TDRD10: variants seen among roughly 807,000 people sequenced by gnomAD.
The protein encoded by TDRD10 is tudor domain-containing protein 10.
Under a neutral mutation model 48.0 loss-of-function variants are expected in TDRD10, and 40 were observed. The observed-to-expected ratio is 0.83, with a 90% CI of 0.65 to 1.09. TDRD10 has a LOEUF of 1.09. Among genes scored for constraint, TDRD10 ranks in the 50% least tolerant of loss-of-function variants. TDRD10 has a pLI of 0.00. For synonymous variants in TDRD10, 162 were observed against 170.4 expected, an observed-to-expected ratio of 0.95 and a Z score of 0.38; for missense variants, 378 against 434.7, an observed-to-expected ratio of 0.87 and a Z score of 1.16.
intron 6 of TDRD10, among the ~76,000 whole-genome samples, chr1:154,529,126 C>T (rs1254116110): frequency 1.3e-5 from 2 of 152,110 alleles, no homozygotes; most frequent in African/African-American, 4.8e-5. Context: ...GTTACCCAGG[C>T]TGGAGTGCAG....
intron 4 of TDRD10, among the ~76,000 whole-genome samples, chr1:154,511,919 C>T (rs537094634): frequency 6.6e-6 from 1 of 151,888 alleles, no homozygotes; most frequent in South Asian, 2.1e-4. Context: ...ATCCTAGCTA[C>T]TCAGGAGGCT....
rs751346307 is a variant in TDRD10, at chr1:154,543,953, C to A, written c.504-10C>A. 3.5e-5 allele frequency: 57 copies of A among 1,613,388 alleles called. No homozygotes were observed. In the Admixed American group the frequency reaches 9.4e-4, roughly 26 times the overall value. On this transcript the variant is annotated splice_polypyrimidine_tract_variant and intron_variant, in intron 8 of 12. Coordinates refer to ENST00000368482, the MANE Select transcript of TDRD10 (RefSeq NM_182499.4). ...CGTTCCTTTCCTTGCTCCCCTTGCT[C>A]TTCCCGCAGAGGGTCCTTCCTGGTG... is the stretch of plus-strand genomic sequence containing the variant.
chr1:154,526,856 T>C (rs1389331583), intron 6 of TDRD10, among the ~76,000 whole-genome samples: 2 of 151,996 alleles, frequency 1.3e-5, no homozygotes, highest in Admixed American at 6.6e-5. Flanking sequence ...CCCAAAGTGC[T>C]GGGATTACAG....
intron 6 of TDRD10, among the ~76,000 whole-genome samples, chr1:154,537,679 ACTT>A (rs1694992646): frequency 6.6e-6 from 1 of 152,024 alleles, no homozygotes; most frequent in South Asian, 2.1e-4. Flanking sequence ...GTATGCAAGA[ACTT>A]CTCCCTGGTG....
At chr1:154,544,255 C>T in intron 9 of TDRD10, 117 bp from the exon 10 acceptor site, 2 of 1,541,538 alleles carry the variant, frequency 1.3e-6, no homozygotes. Context: ...CTCTCTCCCA[C>T]CTCATACCTG....
chr1:154,523,998 A>G (rs1343756110), intron 6 of TDRD10, among the ~76,000 whole-genome samples: 1 of 151,906 alleles, frequency 6.6e-6, no homozygotes, highest in Non-Finnish European at 1.5e-5. Flanking sequence ...TCTCTGCTGG[A>G]CTTTTTCATC....
chr1:154,523,030 C>T (rs1463055461), intron 6 of TDRD10, among the ~76,000 whole-genome samples: 1 of 152,118 alleles, frequency 6.6e-6, no homozygotes, highest in Non-Finnish European at 1.5e-5. Flanking sequence ...ATTCTCCCAC[C>T]TCAGCTGGGA....
intron 6 of TDRD10, among the ~76,000 whole-genome samples, chr1:154,532,856 C>T (rs538774640): frequency 3.3e-5 from 5 of 152,298 alleles, no homozygotes; most frequent in South Asian, 4.1e-4. Flanking sequence ...GCCTCTAAGG[C>T]GGCAGCGAGC....
chr1:154,515,613 C>T (rs985809414), intron 4 of TDRD10, among the ~76,000 whole-genome samples: 5 of 152,222 alleles, frequency 3.3e-5, no homozygotes, highest in Admixed American at 6.5e-5. Flanking sequence ...AGGCCCTCCC[C>T]GGCTCTTCTC....
chr1:154,504,350 G>A lies in TDRD10; in HGVS notation c.-28+1321G>A, dbSNP rs1380321929. 3.3e-5 allele frequency among the ~76,000 whole-genome samples: 5 copies of A among 152,178 alleles called. No homozygotes were observed. The South Asian group carries it at 8.3e-4, about 25-fold the overall frequency. The stretch of plus-strand genomic sequence containing the variant: ...TGAATATTTGTGGAAAAGTCTTTGT[G>A]TGGACACATATTTGAATTTCTCTTG... On this transcript the variant is annotated intron_variant, in intron 1 of 12. Coordinates refer to ENST00000368482, the MANE Select transcript of TDRD10 (RefSeq NM_182499.4).
rs1008224911 is a variant in TDRD10 at position 154,502,383 on chromosome 1, G to A, written c.-674G>A. Reference sequence around the variant, plus strand: ...GGACCAGAGAGGACCGAGCGGAGGCGGCGGGAGTATCCCCGGCGCAGCGAC... The same window carrying A: ...GGACCAGAGAGGACCGAGCGGAGGCAGCGGGAGTATCCCCGGCGCAGCGAC... On this transcript the variant is annotated 5_prime_UTR_variant, in exon 1 of 13. Transcript: ENST00000368482. 3 of 158,042 alleles carry A rather than the reference G, an allele frequency of 1.9e-5. No homozygotes were observed. In the East Asian group the frequency reaches 5.6e-4, roughly 30 times the overall value. The allele number at this position is 158,042 out of a possible 1,614,324, so 9.8% of individuals were successfully genotyped here. A position where few individuals can be genotyped will look rare whatever the true frequency, so the allele number is the denominator to read the frequency against.
At position 154,544,644 on chromosome 1, in the gene TDRD10, C is replaced by T. The variant is rs1695451163; in HGVS notation, c.797+127C>T. The T allele has an allele frequency of 2.7e-6, 4 of 1,472,846 alleles. No individual in the cohort carries two copies. In the South Asian group the frequency reaches 4.2e-5, roughly 15 times the overall value. The allele number at this position is 1,472,846 out of a possible 1,614,324, so 91.2% of individuals were successfully genotyped here. ...CTTCTTCTCTCAAAATCATCTTTAT[C>T]CTTATTTCCTCACTCAAGGATTGGG... On this transcript the variant is annotated intron_variant, in intron 10 of 12. Transcript: ENST00000368482.
intron 6 of TDRD10, among the ~76,000 whole-genome samples, chr1:154,535,530 A>G (rs1471125745): frequency 6.6e-6 from 1 of 151,958 alleles, no homozygotes; most frequent in African/African-American, 2.4e-5. Context: ...TCGACAAAAA[A>G]TGTGCCGGGT....
intron 11 of TDRD10, among the ~76,000 whole-genome samples, chr1:154,546,230 C>T (rs1048127315): frequency 1.3e-5 from 2 of 148,468 alleles, no homozygotes; most frequent in Admixed American, 6.8e-5. Flanking sequence ...TGTGCTACTA[C>T]GCCTGGCTAA....
At chr1:154,517,664 T>C (rs535880895) in intron 4 of TDRD10, among the ~76,000 whole-genome samples, 23 of 152,310 alleles carry the variant, frequency 1.5e-4, no homozygotes, top group African/African-American at 5.5e-4. Context: ...TCAGGTGATC[T>C]GCCCACCTCA....
At chr1:154,538,076 T>G (rs2149346209) in intron 6 of TDRD10, among the ~76,000 whole-genome samples, 2 of 152,342 alleles carry the variant, frequency 1.3e-5, no homozygotes, top group Middle Eastern at 6.8e-3. Context: ...GATAATTATG[T>G]AGATTTTCCT....
Position 154,507,387 on chromosome 1 carries a change from G to T in TDRD10, c.82+67G>T, listed in dbSNP as rs149167908. On this transcript the variant is annotated intron_variant, in intron 3 of 12. Coordinates refer to ENST00000368482, the MANE Select transcript of TDRD10 (RefSeq NM_182499.4). ...CCTACAACTTGGATTCCAGTTAATG[G>T]TTCCCAGTCTGCCCAGTTTCTGTTC... 58 of 1,565,054 alleles carry T rather than the reference G, an allele frequency of 3.7e-5. No homozygotes were observed. In the African/African-American group the frequency reaches 7.6e-4, roughly 20 times the overall value.
At chr1:154,525,828 G>A (rs571517577) in intron 6 of TDRD10, among the ~76,000 whole-genome samples, 1 of 150,704 alleles carries the variant, frequency 6.6e-6, no homozygotes, top group Non-Finnish European at 1.5e-5. Context: ...CCCCGGAGGC[G>A]GAGGTTACAG....
intron 7 of TDRD10, 114 bp downstream of exon 7, chr1:154,542,180 T>C (rs1695279294): frequency 2.0e-6 from 2 of 1,002,290 alleles, no homozygotes; most frequent in Admixed American, 4.9e-5. Context: ...TGACCCTTAG[T>C]GTAGAAATAT....
Sources: gnomAD v4.1 joint callset for allele counts (sites outside exome capture counted in the v4.1 genomes callset) on GRCh38, gnomAD v4.1.1 for gene constraint, MANE v1.5 for transcripts, NCBI Gene and HGNC (gene_info 2026-07-23, HGNC 2026-07-21) for gene names.